ENKUR: variants seen among roughly 807,000 people sequenced by gnomAD.
ENKUR encodes enkurin.
ENKUR carries 19 observed loss-of-function variants against 27.6 expected under a neutral mutation model. That is an observed-to-expected ratio of 0.69 (90% CI 0.48 to 1.01). ENKUR has a LOEUF of 1.01. Among genes scored for constraint, ENKUR ranks in the 50% least tolerant of loss-of-function variants. ENKUR has a pLI of 0.00. For synonymous variants in ENKUR, 117 were observed against 96.9 expected (o/e 1.21, Z -1.22); for missense variants, 312 against 310.5 (o/e 1.00, Z -0.04).
chr10:24,984,641 A>G, intron 5 of ENKUR, 95 bp downstream of exon 5: 1 of 1,167,054 alleles, frequency 8.6e-7, no homozygotes, highest in Non-Finnish European at 1.2e-6. Flanking sequence ...TTCTCTTCAT[A>G]GTATTTTCCT....
chr10:25,061,166 C>G, exon 2 of ENKUR: 4 of 1,536,046 alleles, frequency 2.6e-6, no homozygotes, highest in Non-Finnish European at 3.5e-6. Flanking sequence ...GGTGAACAAT[C>G]TCCATAAGAA....
intron 3 of ENKUR, among the ~76,000 whole-genome samples, chr10:24,993,059 C>T (rs1168165141): frequency 6.6e-6 from 1 of 152,176 alleles, no homozygotes; most frequent in Non-Finnish European, 1.5e-5. Flanking sequence ...TTTGGGACAG[C>T]TAGGCAGGAG....
At chr10:25,025,620 C>A in intron 2 of ENKUR, 1 of 649,078 alleles carries the variant, frequency 1.5e-6, no homozygotes, top group Non-Finnish European at 2.7e-6. Context: ...CTCCATGTCA[C>A]CTCCTCAGAT....
At chr10:25,045,246 TG>T (rs1851109729) in intron 2 of ENKUR, among the ~76,000 whole-genome samples, 1 of 152,206 alleles carries the variant, frequency 6.6e-6, no homozygotes. Context: ...TATCTGAAGC[TG>T]GTAGAATGGG....
At position 24,984,346 on chromosome 10, in the gene ENKUR, G is replaced by C. The variant is rs763253634; in HGVS notation, c.*24C>G. The C allele has an allele frequency of 5.7e-6, 8 of 1,406,952 alleles. No homozygotes were observed. In the African/African-American group the frequency reaches 1.2e-4, roughly 21 times the overall value. The allele number at this position is 1,406,952 out of a possible 1,614,324, so 87.2% of individuals were successfully genotyped here. ...TATTTCCAGTTCAAAATACTTAACA[G>C]TTTTCAAAGTTGTGCTGTTGGTATC... On this transcript the variant is annotated 3_prime_UTR_variant, in exon 6 of 6. Transcript: ENST00000331161.
In ENKUR at chr10:24,995,694, CT is replaced by C; in HGVS notation, c.398del (p.Lys133SerfsTer9). ...PIYVDKRTGD[K>X]HDLEPSGLVP... ...CTAGTCCTGAAGGCTCAAGATCATG[CT>C]TGTCTCCAGTTCTTTTATCAACATA... On this transcript the variant is annotated frameshift_variant, in exon 3 of 6. Transcript: ENST00000331161. LOFTEE classifies it high-confidence loss of function. The C allele has an allele frequency of 6.2e-7, 1 of 1,613,990 alleles. No individual in the cohort carries two copies. Among genetic ancestry groups the C allele is most frequent in the Non-Finnish European group, 8.5e-7 (1 of 1,179,982 alleles).
intron 1 of ENKUR, among the ~76,000 whole-genome samples, chr10:25,000,227 G>T (rs1024141658): frequency 6.6e-6 from 1 of 152,034 alleles, no homozygotes; most frequent in East Asian, 1.9e-4. Context: ...TCTGACATTT[G>T]TTTTATGGCA....
intron 3 of ENKUR, among the ~76,000 whole-genome samples, chr10:24,995,290 A>C (rs1195084144): frequency 6.6e-6 from 1 of 152,236 alleles, no homozygotes; most frequent in Non-Finnish European, 1.5e-5. Context: ...TCTTAAGACC[A>C]TCTGACAGCT....
intron 3 of ENKUR, among the ~76,000 whole-genome samples, chr10:24,992,488 T>C (rs1849948461): frequency 6.6e-6 from 1 of 152,200 alleles, no homozygotes; most frequent in South Asian, 2.1e-4. Context: ...GATGTAGCCA[T>C]ATGCCCTGAA....
intron 2 of ENKUR, among the ~76,000 whole-genome samples, chr10:25,022,930 A>G (rs1213786919): frequency 6.6e-6 from 1 of 152,146 alleles, no homozygotes; most frequent in Non-Finnish European, 1.5e-5. Flanking sequence ...ATAGTTACAA[A>G]TTTTGTCAAA....
chr10:25,057,425 AC>A (rs879845648), intron 2 of ENKUR, among the ~76,000 whole-genome samples: 1,832 of 140,680 alleles, frequency 0.013, 22 homozygotes, highest in East Asian at 0.028. Flanking sequence ...ACACACACAC[AC>A]ACAATGCCCT....
Position 25,007,367 on chromosome 10 carries a change from A to G in ENKUR, c.78-7821T>C, listed in dbSNP as rs537290968. On this transcript the variant is annotated intron_variant, in intron 1 of 5. Coordinates refer to ENST00000331161, the MANE Select transcript of ENKUR (RefSeq NM_145010.4). ...CATTTTTATGTATATATGAAATGCC[A>G]GAGAGGTGTGCTAATGCCTTTTACC... Among the ~76,000 whole-genome samples, 7 of 152,296 alleles carry G rather than the reference A, an allele frequency of 4.6e-5. 1 individual carries two copies. Among genetic ancestry groups the G allele is most frequent in the African/African-American group, 1.4e-4 (6 of 41,570 alleles).
At chr10:25,019,306 T>G (rs1376831985), upstream of ENKUR, among the ~76,000 whole-genome samples, 1 of 152,146 alleles carries the variant, frequency 6.6e-6, no homozygotes, top group Non-Finnish European at 1.5e-5. Flanking sequence ...AAACCCCCTC[T>G]CTACTAAAAA....
At chr10:25,016,282 T>C (rs1337322437), upstream of ENKUR, 1 of 597,114 alleles carries the variant, frequency 1.7e-6, no homozygotes, top group Non-Finnish European at 2.2e-6. Context: ...GAAGCCACTG[T>C]TTTTACGTGC....
At chr10:25,038,858 C>T (rs1370613359) in intron 2 of ENKUR, among the ~76,000 whole-genome samples, 1 of 152,068 alleles carries the variant, frequency 6.6e-6, no homozygotes, top group Non-Finnish European at 1.5e-5. Context: ...GTGAAATGAC[C>T]TGAAGTTGCT....
intron 1 of ENKUR, among the ~76,000 whole-genome samples, chr10:25,010,283 C>G (rs1303627693): frequency 6.6e-6 from 1 of 152,034 alleles, no homozygotes. Context: ...TTGCCCCTGC[C>G]CTAAAGATTT....
At chr10:24,993,375 C>T (rs530198717) in intron 3 of ENKUR, among the ~76,000 whole-genome samples, 14 of 152,316 alleles carry the variant, frequency 9.2e-5, no homozygotes, top group Non-Finnish European at 1.9e-4. Context: ...CTCACTACAA[C>T]CCTGTGATAA....
intron 2 of ENKUR, among the ~76,000 whole-genome samples, chr10:25,038,546 C>A (rs373454227): frequency 1.3e-5 from 2 of 152,100 alleles, no homozygotes; most frequent in Non-Finnish European, 2.9e-5. Flanking sequence ...AATAAAATAA[C>A]GTGTGTAAGG....
upstream of ENKUR, among the ~76,000 whole-genome samples, chr10:25,019,576 GTATTA>G (rs1850677611): frequency 6.6e-6 from 1 of 152,208 alleles, no homozygotes; most frequent in South Asian, 2.1e-4. Flanking sequence ...ATTGTATTAT[GTATTA>G]TAAGTTATTC....
Sources: gnomAD v4.1 joint callset for allele counts (sites outside exome capture counted in the v4.1 genomes callset) on GRCh38, gnomAD v4.1.1 for gene constraint, MANE v1.5 for transcripts, NCBI Gene and HGNC (gene_info 2026-07-23, HGNC 2026-07-21) for gene names.